The following GRID2 variants were observed in gnomAD, a reference collection of about 807,000 sequenced individuals.
GRID2 encodes the protein glutamate receptor ionotropic, delta-2.
A neutral mutation model predicts 114.8 loss-of-function variants in GRID2; 33 were observed. The ratio of observed to expected loss-of-function variants is 0.29; its 90% CI spans 0.22 to 0.38. GRID2 has a LOEUF of 0.38. GRID2 is among the 10% of genes least tolerant of loss of function. The pLI, the probability that GRID2 is intolerant of heterozygous loss-of-function variation, is 1.00. For missense variants in GRID2, 1,184 were observed against 1,257.7 expected, an observed-to-expected ratio of 0.94 and a Z score of 0.89; for synonymous variants, 505 against 449.9, an observed-to-expected ratio of 1.12 and a Z score of -1.55.
At chr4:92,803,198 A>G (rs1484980502) in intron 2 of GRID2, among the ~76,000 whole-genome samples, 1 of 151,984 alleles carries the variant, frequency 6.6e-6, no homozygotes, top group African/African-American at 2.4e-5. Flanking sequence ...AAGAATTGGT[A>G]GCCATTAACC....
intron 2 of GRID2, among the ~76,000 whole-genome samples, chr4:92,720,490 A>G (rs1735759454): frequency 6.6e-6 from 1 of 151,956 alleles, no homozygotes; most frequent in Admixed American, 6.6e-5. Flanking sequence ...GAATCCTGGT[A>G]TTGTACACTA....
chr4:92,516,532 C>T (rs943031357), intron 1 of GRID2, among the ~76,000 whole-genome samples: 1 of 151,810 alleles, frequency 6.6e-6, no homozygotes, highest in Admixed American at 6.6e-5. Context: ...TGGAAGAAAG[C>T]CCTGTGTGGT....
chr4:92,784,267 G>A (rs1009241103), intron 2 of GRID2, among the ~76,000 whole-genome samples: 5 of 151,672 alleles, frequency 3.3e-5, no homozygotes, highest in South Asian at 4.1e-4. Context: ...AAATTTCAAC[G>A]TGGCAAAACA....
At chr4:92,956,323 T>G (rs1752408322) in intron 2 of GRID2, among the ~76,000 whole-genome samples, 1 of 152,212 alleles carries the variant, frequency 6.6e-6, no homozygotes. Context: ...ATGACATATA[T>G]GCACAATTAT....
chr4:92,590,383 T>C (rs768112918), intron 2 of GRID2, 97 bp downstream of exon 2: 45 of 840,214 alleles, frequency 5.4e-5, no homozygotes, highest in Non-Finnish European at 8.0e-5. Context: ...ATCATTTTTG[T>C]ATCTTGTTGA....
intron 2 of GRID2, among the ~76,000 whole-genome samples, chr4:92,795,121 G>A (rs1434807832): frequency 1.3e-5 from 2 of 151,500 alleles, no homozygotes; most frequent in Non-Finnish European, 2.9e-5. Context: ...GTTTTAGGGT[G>A]GCAGAGCAGA....
chr4:93,765,608 TTA>T (rs66550272), intron 14 of GRID2, among the ~76,000 whole-genome samples: 154 of 29,474 alleles, frequency 5.2e-3, no homozygotes, highest in Middle Eastern at 0.015. Flanking sequence ...AGGTGAGGTA[TTA>T]TATATATATA....
intron 2 of GRID2, among the ~76,000 whole-genome samples, chr4:92,757,104 A>G (rs1560574794): frequency 6.6e-6 from 1 of 151,990 alleles, no homozygotes; most frequent in African/African-American, 2.4e-5. Context: ...TATGTTTTTA[A>G]GTCATTTTAG....
chr4:93,370,507 G>C (rs563638331), intron 8 of GRID2, among the ~76,000 whole-genome samples: 1 of 146,782 alleles, frequency 6.8e-6, no homozygotes, highest in South Asian at 2.2e-4. Context: ...ACACACACAC[G>C]CACACACAGT....
intron 1 of GRID2, among the ~76,000 whole-genome samples, chr4:93,795,806 C>A (rs1040742233): frequency 9.9e-5 from 15 of 152,190 alleles, no homozygotes; most frequent in Non-Finnish European, 7.4e-5. Flanking sequence ...ATGTGAAAAC[C>A]AAAGGTAGAT....
chr4:93,186,191 T>C (rs1467292131), intron 4 of GRID2, among the ~76,000 whole-genome samples: 1 of 152,186 alleles, frequency 6.6e-6, no homozygotes, highest in Non-Finnish European at 1.5e-5. Flanking sequence ...CTATTGTGAA[T>C]AGTGCCGCAA....
At chr4:92,412,013 T>A (rs1731361474) in intron 1 of GRID2, among the ~76,000 whole-genome samples, 1 of 151,954 alleles carries the variant, frequency 6.6e-6, no homozygotes, top group Admixed American at 6.6e-5. Flanking sequence ...TTTTTCTATC[T>A]CCTTCATATT....
At chr4:93,689,284 A>G (rs1726339627) in intron 14 of GRID2, among the ~76,000 whole-genome samples, 2 of 152,068 alleles carry the variant, frequency 1.3e-5, no homozygotes, top group Admixed American at 6.6e-5. Context: ...AACTAATACA[A>G]CATCTCTCCC....
At chr4:93,050,681 G>A (rs1040202309) in intron 2 of GRID2, among the ~76,000 whole-genome samples, 9 of 151,846 alleles carry the variant, frequency 5.9e-5, no homozygotes, top group African/African-American at 1.9e-4. Flanking sequence ...GAATACATTC[G>A]ACTATTAAAT....
chr4:93,043,051 A>G (rs1310185103), intron 2 of GRID2, among the ~76,000 whole-genome samples: 2 of 152,152 alleles, frequency 1.3e-5, no homozygotes, highest in African/African-American at 2.4e-5. Flanking sequence ...TATTTTTCCC[A>G]GCAGATAATT....
At chr4:93,017,759 CACTCCAGCCAGG>C (rs534817441) in intron 2 of GRID2, among the ~76,000 whole-genome samples, 11 of 148,224 alleles carry the variant, frequency 7.4e-5, no homozygotes, top group Non-Finnish European at 1.6e-4. Context: ...TGCACCACTG[CACTCCAGCCAGG>C]ACTCCAGCCA....
chr4:93,316,431 G>GA (rs1272611767), intron 8 of GRID2, among the ~76,000 whole-genome samples: 2 of 151,486 alleles, frequency 1.3e-5, no homozygotes, highest in East Asian at 3.9e-4. Context: ...AAAGAAGAAA[G>GA]AAAAAAGCCT....
At chr4:93,381,069 A>C (rs1763808314) in intron 8 of GRID2, among the ~76,000 whole-genome samples, 1 of 152,120 alleles carries the variant, frequency 6.6e-6, no homozygotes, top group Admixed American at 6.6e-5. Flanking sequence ...TTATTGTGGT[A>C]AAATACACAT....
chr4:93,572,794 C>T (rs1249487293), intron 13 of GRID2, among the ~76,000 whole-genome samples: 1 of 152,062 alleles, frequency 6.6e-6, no homozygotes, highest in Non-Finnish European at 1.5e-5. Flanking sequence ...CTTTCCTGGT[C>T]AGAATATGGA....
Sources: allele counts gnomAD v4.1 joint callset (sites outside exome capture counted in the v4.1 genomes callset), GRCh38; gene constraint gnomAD v4.1.1; transcripts MANE v1.5; gene names NCBI Gene and HGNC (gene_info 2026-07-23, HGNC 2026-07-21).